STIM2: variants seen among roughly 807,000 people sequenced by gnomAD.
STIM2 encodes the protein stromal interaction molecule 2.
STIM2 carries 31 observed loss-of-function variants against 85.8 expected under a neutral mutation model. The observed-to-expected ratio is 0.36, with a 90% CI of 0.27 to 0.49. The LOEUF (loss-of-function observed/expected upper bound fraction) is 0.49. Among genes scored for constraint, STIM2 ranks in the 20% least tolerant of loss-of-function variants. The probability of loss-of-function intolerance (pLI) is 0.98; values close to 1 mark genes in which losing one functional copy is unlikely to be tolerated. For synonymous variants in STIM2, 356 were observed against 331.1 expected (o/e 1.08, Z -0.82); for missense variants, 841 against 927.6 (o/e 0.91, Z 1.21).
In STIM2 at chr4:26,860,873, A is replaced by G. The variant is rs1722137215; in HGVS notation, c.-346A>G. On this transcript the variant is annotated 5_prime_UTR_variant, in exon 1 of 12. Coordinates refer to ENST00000467087, the MANE Select transcript of STIM2 (RefSeq NM_020860.4). ...CGGATCCCGGTCTCGCCGCAGCAGCAGCGCGGGTGTCGTGCACCGCCTGAA... is the reference window on the plus strand; with the variant it reads ...CGGATCCCGGTCTCGCCGCAGCAGCGGCGCGGGTGTCGTGCACCGCCTGAA... 8 of 896,216 alleles carry G rather than the reference A, an allele frequency of 8.9e-6. No homozygotes were observed. The highest frequency in any genetic ancestry group is 1.1e-5 in the Non-Finnish European group (8 of 734,750). 55.5% of individuals were successfully genotyped at this position (896,216 alleles called of 1,614,324 possible).
intron 3 of STIM2, among the ~76,000 whole-genome samples, chr4:26,964,145 A>T (rs955506738): frequency 2.0e-5 from 3 of 152,192 alleles, no homozygotes; most frequent in African/African-American, 4.8e-5. Flanking sequence ...GAAGGAGACC[A>T]GACTGTAGTG....
At chr4:27,019,137 A>G (rs1728830133) in intron 11 of STIM2, among the ~76,000 whole-genome samples, 2 of 152,100 alleles carry the variant, frequency 1.3e-5, no homozygotes, top group South Asian at 4.1e-4. Flanking sequence ...TGTGTCCCCA[A>G]AGGCTTTACC....
chr4:26,921,698 G>A (rs537917912), intron 2 of STIM2, among the ~76,000 whole-genome samples: 39 of 152,102 alleles, frequency 2.6e-4, no homozygotes, highest in African/African-American at 8.7e-4. Context: ...TGCTTGTTCT[G>A]TTCTAATCTA....
chr4:27,013,395 A>G (rs924706363), intron 10 of STIM2, among the ~76,000 whole-genome samples: 7 of 152,022 alleles, frequency 4.6e-5, no homozygotes, highest in Non-Finnish European at 7.4e-5. Flanking sequence ...TGCATAGGAA[A>G]AACATAGTGT....
chr4:26,972,316 G>A (rs969882001), intron 3 of STIM2, among the ~76,000 whole-genome samples: 1 of 152,106 alleles, frequency 6.6e-6, no homozygotes, highest in African/African-American at 2.4e-5. Context: ...CTTGTCTTGT[G>A]CTGGTTTTCA....
chr4:26,979,530 C>T (rs763381831), intron 3 of STIM2, among the ~76,000 whole-genome samples: 32 of 152,040 alleles, frequency 2.1e-4, no homozygotes, highest in South Asian at 4.1e-4. Flanking sequence ...GAGCTCTTGT[C>T]GTTTGGGTTA....
At chr4:26,912,493 G>C (rs1724382265) in intron 1 of STIM2, among the ~76,000 whole-genome samples, 1 of 152,160 alleles carries the variant, frequency 6.6e-6, no homozygotes, top group African/African-American at 2.4e-5. Flanking sequence ...GGATGACAAA[G>C]TATAGAATAT....
chr4:27,018,883 T>A (rs914720494), intron 11 of STIM2, among the ~76,000 whole-genome samples: 1 of 152,382 alleles, frequency 6.6e-6, no homozygotes, highest in Middle Eastern at 3.4e-3. Flanking sequence ...TTCTGTTATG[T>A]GCTGGTACTT....
intron 1 of STIM2, among the ~76,000 whole-genome samples, chr4:26,902,431 A>G (rs757550022): frequency 1.6e-4 from 24 of 152,194 alleles, no homozygotes; most frequent in Non-Finnish European, 2.6e-4. Flanking sequence ...TGTTAAGAGT[A>G]TAGCTACATT....
intron 1 of STIM2, among the ~76,000 whole-genome samples, chr4:26,908,049 G>C (rs1724194672): frequency 6.6e-6 from 1 of 152,108 alleles, no homozygotes; most frequent in African/African-American, 2.4e-5. Flanking sequence ...TTTCCACTTA[G>C]AAACATTAAG....
chr4:26,970,315 G>A (rs1726898972), intron 3 of STIM2, among the ~76,000 whole-genome samples: 2 of 150,750 alleles, frequency 1.3e-5, no homozygotes, highest in African/African-American at 4.9e-5. Context: ...TGATACCTAG[G>A]TATACGTGTG....
At chr4:26,951,689 G>T (rs1438090289) in intron 2 of STIM2, among the ~76,000 whole-genome samples, 1 of 152,048 alleles carries the variant, frequency 6.6e-6, no homozygotes, top group African/African-American at 2.4e-5. Flanking sequence ...CACAGAAGGA[G>T]ATTTTTTTCA....
At chr4:26,994,536 A>T (rs1031374723) in intron 3 of STIM2, among the ~76,000 whole-genome samples, 3 of 152,114 alleles carry the variant, frequency 2.0e-5, no homozygotes, top group Admixed American at 6.6e-5. Flanking sequence ...TTTCATGATA[A>T]GACTGGACCA....
chr4:26,861,530 C>A, intron 1 of STIM2, 161 bp downstream of exon 1: 2 of 1,116,486 alleles, frequency 1.8e-6, no homozygotes, highest in Non-Finnish European at 2.3e-6. Flanking sequence ...CCCTGCACTC[C>A]GGACGTCTTT....
chr4:26,989,604 A>G (rs1316366826), intron 3 of STIM2, among the ~76,000 whole-genome samples: 1 of 152,216 alleles, frequency 6.6e-6, no homozygotes, highest in Non-Finnish European at 1.5e-5. Flanking sequence ...AATACCAGAA[A>G]TACTAGCCAG....
chr4:26,897,232 T>G (rs893772598), intron 1 of STIM2, among the ~76,000 whole-genome samples: 5 of 152,226 alleles, frequency 3.3e-5, no homozygotes, highest in Admixed American at 2.0e-4. Flanking sequence ...CAGTATCATT[T>G]TACATTCCCA....
At chr4:27,012,932 C>A (rs1728607158) in intron 10 of STIM2, among the ~76,000 whole-genome samples, 1 of 151,858 alleles carries the variant, frequency 6.6e-6, no homozygotes, top group South Asian at 2.1e-4. Context: ...GTTTTTTATT[C>A]TGCTGAATTT....
rs138152385 is a variant in STIM2 at position 26,964,619 on chromosome 4, C to T, written c.397+6893C>T. ...TTTCTCCCTGTGATTTTTGGATCCA[C>T]TGGGCTTGGAGGGGGGGTTTATTTA... On this transcript the variant is annotated intron_variant, in intron 3 of 11. Transcript: ENST00000467087. Among the ~76,000 whole-genome samples, 1,187 of 152,148 alleles carry T rather than the reference C, an allele frequency of 7.8e-3. 12 individuals are homozygous for T. Among genetic ancestry groups the T allele is most frequent in the African/African-American group, 0.023 (958 of 41,494 alleles).
chr4:26,921,865 A>G (rs566105734), intron 2 of STIM2, among the ~76,000 whole-genome samples: 1 of 152,208 alleles, frequency 6.6e-6, no homozygotes, highest in African/African-American at 2.4e-5. Context: ...ATATCTCTGC[A>G]TCAGTTGATT....
Sources: gnomAD v4.1 joint callset for allele counts (sites outside exome capture counted in the v4.1 genomes callset) on GRCh38, gnomAD v4.1.1 for gene constraint, MANE v1.5 for transcripts, NCBI Gene and HGNC (gene_info 2026-07-23, HGNC 2026-07-21) for gene names.